Variants in ZNF469 observed in about 807,000 individuals in gnomAD.
ZNF469 encodes the protein zinc finger protein 469.
ZNF469 carries 1 observed loss-of-function variant against 1.0 expected under a neutral mutation model. That is an observed-to-expected ratio of 1.00 (90% CI 0.35 to 4.73). ZNF469 has a LOEUF of 4.73. ZNF469 is among the 30% of genes most tolerant of loss of function. ZNF469 has a pLI of 0.16. For missense variants in ZNF469, 6,100 were observed against 5,356.3 expected (o/e 1.14, Z -4.33); for synonymous variants, 2,703 against 2,363.4 (o/e 1.14, Z -4.17).
chr16:88,358,780 G>A, the ZNF469 span, among the ~76,000 whole-genome samples: 4 of 152,038 alleles, frequency 2.6e-5, no homozygotes. Context: ...GTGCAGTGGT[G>A]TGATCTCGGC....
chr16:88,432,227 G>A lies in ZNF469; in HGVS notation c.4757G>A (p.Arg1586Lys). ...QRSKDTRGAPRELAEAESVGR... is the reference protein window; with the variant it reads ...QRSKDTRGAPKELAEAESVGR... ...AGCAAAGACACACGTGGGGCCCCGA[G>A]AGAGCTTGCAGAAGCTGAGTCGGTG... is the stretch of plus-strand genomic sequence containing the variant. Residue 1586 changes from arginine to lysine, a missense_variant, in exon 3 of 3, where the codon AGA becomes AAA. Arg to Lys is a conservative substitution (Grantham distance 26, BLOSUM62 2). Transcript: ENST00000565624. 2 of 1,549,680 alleles carry A rather than the reference G, an allele frequency of 1.3e-6. No homozygotes were observed. Among genetic ancestry groups the A allele is most frequent in the Non-Finnish European group, 8.7e-7 (1 of 1,146,984 alleles).
chr16:88,317,154 T>C, the ZNF469 span, among the ~76,000 whole-genome samples: 2 of 152,202 alleles, frequency 1.3e-5, no homozygotes, highest in South Asian at 4.1e-4. Flanking sequence ...ATCTCAGGGC[T>C]GAAGCCCTTT....
rs376502074 is a variant in ZNF469 at position 88,435,879 on chromosome 16, C to G, written c.8409C>G (p.Pro2803=). The change falls in exon 3 of 3, where the codon CCC becomes CCG. Residue 2803 remains proline, a synonymous_variant. Coordinates refer to ENST00000565624, the MANE Select transcript of ZNF469 (RefSeq NM_001367624.2). The part of the protein sequence containing the change: ...NTPPLGPLGF[P]ETSSSPADST... ...CCCCCTTGGGCCCCCTGGGTTTTCCCGAGACTTCCAGCTCTCCGGCGGACA... is the reference window on the plus strand; with the variant it reads ...CCCCCTTGGGCCCCCTGGGTTTTCCGGAGACTTCCAGCTCTCCGGCGGACA... 3 of 1,550,040 alleles carry G rather than the reference C, an allele frequency of 1.9e-6. No homozygotes were observed. The highest frequency in any genetic ancestry group is 2.0e-5 in the Admixed American group (1 of 50,994).
At chr16:88,139,316 C>G in the ZNF469 span, among the ~76,000 whole-genome samples, 1 of 152,012 alleles carries the variant, frequency 6.6e-6, no homozygotes, top group African/African-American at 2.4e-5. Context: ...AAAAGTGGAT[C>G]TGAAACCTTT....
the ZNF469 span, among the ~76,000 whole-genome samples, chr16:88,339,982 A>G: frequency 1.3e-5 from 2 of 152,056 alleles, no homozygotes; most frequent in East Asian, 3.9e-4. Flanking sequence ...CCTCTTTACT[A>G]AGATACAAAC....
At chr16:88,121,549 G>A in the ZNF469 span, among the ~76,000 whole-genome samples, 1 of 152,212 alleles carries the variant, frequency 6.6e-6, no homozygotes, top group African/African-American at 2.4e-5. Flanking sequence ...TGGCTGTCAC[G>A]TCACAACCCC....
the ZNF469 span, among the ~76,000 whole-genome samples, chr16:88,248,334 G>C: frequency 6.6e-6 from 1 of 152,220 alleles, no homozygotes; most frequent in African/African-American, 2.4e-5. Context: ...ATGGATCCGT[G>C]TCTTTGATAA....
the ZNF469 span, among the ~76,000 whole-genome samples, chr16:88,350,208 G>A: frequency 4.6e-5 from 7 of 152,198 alleles, no homozygotes; most frequent in African/African-American, 7.2e-5. Flanking sequence ...TGCTCCAGGC[G>A]GATCTCCAAA....
the ZNF469 span, among the ~76,000 whole-genome samples, chr16:88,302,730 T>C: frequency 6.6e-6 from 1 of 152,178 alleles, no homozygotes; most frequent in Non-Finnish European, 1.5e-5. Context: ...GAGGCCCCTG[T>C]CCCTGCTGGC....
the ZNF469 span, among the ~76,000 whole-genome samples, chr16:88,121,849 C>T: frequency 8.5e-5 from 13 of 152,322 alleles, no homozygotes; most frequent in Admixed American, 2.0e-4. Flanking sequence ...AAATACGCTT[C>T]TTTTTTACTC....
the ZNF469 span, among the ~76,000 whole-genome samples, chr16:88,257,994 G>A: frequency 6.6e-6 from 1 of 152,216 alleles, no homozygotes; most frequent in Non-Finnish European, 1.5e-5. Context: ...CCCACATGCT[G>A]CAAGGGCTCT....
intron 1 of ZNF469, among the ~76,000 whole-genome samples, chr16:88,391,037 C>T (rs1420776222): frequency 1.3e-5 from 2 of 152,236 alleles, no homozygotes; most frequent in Admixed American, 1.3e-4. Flanking sequence ...GCTGTCCTGG[C>T]GATGGGACCA....
the ZNF469 span, among the ~76,000 whole-genome samples, chr16:88,130,958 G>A: frequency 1.3e-5 from 2 of 152,238 alleles, no homozygotes; most frequent in African/African-American, 4.8e-5. Flanking sequence ...AGGACGAGGT[G>A]CCCGGGCAGC....
the ZNF469 span, among the ~76,000 whole-genome samples, chr16:88,371,752 C>T: frequency 6.6e-4 from 101 of 152,132 alleles, 1 homozygote; most frequent in African/African-American, 2.3e-3. Flanking sequence ...GTGACATCAA[C>T]ACATTTGCTA....
In ZNF469 at chr16:88,430,421, A is replaced by T. The variant is rs1344190809; in HGVS notation, c.2951A>T (p.Asp984Val). The change falls in exon 3 of 3, where the codon GAC (aspartate) becomes GTC (valine). Residue 984 changes from aspartate (D) to valine (V), a missense_variant. Asp to Val is a radical substitution (Grantham distance 152). Transcript: ENST00000565624. ...RASGLRPRRN[D>V]GLGERPPPRP... The stretch of plus-strand genomic sequence containing the variant: ...TCCGGCCTGAGGCCCCGGAGGAACG[A>T]CGGTCTCGGGGAGCGGCCCCCACCC... 6.6e-7 allele frequency: 1 copy of T among 1,518,312 alleles called. No homozygotes were observed. 94.1% of individuals were successfully genotyped at this position (1,518,312 alleles called of 1,614,324 possible). A position where few individuals can be genotyped will look rare whatever the true frequency, so the allele number is the denominator to read the frequency against.
the ZNF469 span, among the ~76,000 whole-genome samples, chr16:88,274,894 C>T: frequency 1.3e-5 from 2 of 152,264 alleles, no homozygotes; most frequent in African/African-American, 4.8e-5. Flanking sequence ...TGGGGCAGCA[C>T]TGGCCCCCAG....
Position 88,430,927 on chromosome 16 carries a change from G to A in ZNF469, c.3457G>A (p.Ala1153Thr). 2 of 1,536,372 alleles carry A rather than the reference G, an allele frequency of 1.3e-6. No homozygotes were observed. The highest frequency in any genetic ancestry group is 8.7e-7 in the Non-Finnish European group (1 of 1,145,428). Residue 1153 changes from alanine (A) to threonine (T), a missense_variant, in exon 3 of 3, where the codon GCG (alanine) becomes ACG (threonine). Transcript: ENST00000565624. ...GGAAGCCGGCGGGGACGGAGCCCCC[G>A]CGAACCCCGAGGAGCCGGGCGGGTC... ...RQEAGGDGAP[A>T]NPEEPGGSRP...
the ZNF469 span, among the ~76,000 whole-genome samples, chr16:88,365,320 C>G: frequency 6.6e-6 from 1 of 152,184 alleles, no homozygotes; most frequent in Non-Finnish European, 1.5e-5. Context: ...GGTGTTGGCT[C>G]CACCCATGGC....
chr16:88,386,504 T>A (rs2092537106), intron 1 of ZNF469, among the ~76,000 whole-genome samples: 1 of 152,018 alleles, frequency 6.6e-6, no homozygotes, highest in South Asian at 2.1e-4. Flanking sequence ...CCATCACTGG[T>A]GTCCCATCTA....
Sources: allele counts gnomAD v4.1 joint callset (sites outside exome capture counted in the v4.1 genomes callset), GRCh38; gene constraint gnomAD v4.1.1; transcripts MANE v1.5; gene names NCBI Gene and HGNC (gene_info 2026-07-23, HGNC 2026-07-21).